ZNF782: variants seen among roughly 807,000 people sequenced by gnomAD.
ZNF782 encodes the protein zinc finger protein 782.
A neutral mutation model predicts 13.0 loss-of-function variants in ZNF782; 12 were observed. That is an observed-to-expected ratio of 0.92 (90% CI 0.59 to 1.50). The LOEUF is 1.50. ZNF782 is among the 40% of genes most tolerant of loss of function. ZNF782 has a pLI of 0.00. For synonymous variants in ZNF782, 284 were observed against 283.0 expected, an observed-to-expected ratio of 1.00 and a Z score of -0.04; for missense variants, 770 against 822.9, an observed-to-expected ratio of 0.94 and a Z score of 0.79.
the ZNF782 span, chr9:96,928,892 T>C: frequency 1.0e-6 from 1 of 984,396 alleles, no homozygotes; most frequent in Non-Finnish European, 1.5e-6. Flanking sequence ...CAAACCTGTT[T>C]ATATGCAAAT....
the ZNF782 span, among the ~76,000 whole-genome samples, chr9:96,911,618 T>G: frequency 6.7e-6 from 1 of 148,696 alleles, no homozygotes; most frequent in African/African-American, 2.4e-5. Context: ...CCTCCCGGGT[T>G]CAAGCCATTA....
chr9:96,843,037 C>G (rs1851233973), intron 4 of ZNF782, among the ~76,000 whole-genome samples: 1 of 152,084 alleles, frequency 6.6e-6, no homozygotes, highest in Non-Finnish European at 1.5e-5. Flanking sequence ...CATAAAATAG[C>G]AACAATGCCT....
At chr9:96,931,740 C>G in the ZNF782 span, 1 of 1,611,554 alleles carries the variant, frequency 6.2e-7, no homozygotes, top group Non-Finnish European at 8.5e-7. Context: ...GTGCTGGGAC[C>G]CGGCGTGACC....
intron 5 of ZNF782, among the ~76,000 whole-genome samples, chr9:96,821,283 G>C (rs1025365612): frequency 1.3e-5 from 2 of 152,126 alleles, no homozygotes; most frequent in African/African-American, 4.8e-5. Flanking sequence ...CTCTAGTCTT[G>C]ACAGGATATC....
At chr9:96,857,866 C>T (rs1564014096), upstream of ZNF782, among the ~76,000 whole-genome samples, 1 of 152,228 alleles carries the variant, frequency 6.6e-6, no homozygotes, top group Non-Finnish European at 1.5e-5. Flanking sequence ...TCATAGTTTT[C>T]ATTGTTCATT....
chr9:96,817,983 C>A lies in ZNF782; in HGVS notation c.2040G>T (p.Gly680=). The change falls in exon 6 of 6, where the codon GGG becomes GGT. Residue 680 remains glycine, a synonymous_variant. Transcript: ENST00000481138. ...GGCTTGATTTTTGACTGAAAGTTCT[C>A]CCACATTTATCACATTTATAGGGTT... is the stretch of plus-strand genomic sequence containing the variant. The part of the protein sequence containing the change: ...GEKPYKCDKC[G]RTFSQKSSLR... The A allele has an allele frequency of 5.6e-6, 9 of 1,607,620 alleles. No homozygotes were observed. Among genetic ancestry groups the A allele is most frequent in the Non-Finnish European group, 7.6e-6 (9 of 1,177,646 alleles).
At chr9:96,820,770 G>C (rs780097630) in intron 5 of ZNF782, among the ~76,000 whole-genome samples, 1 of 151,914 alleles carries the variant, frequency 6.6e-6, no homozygotes, top group African/African-American at 2.4e-5. Flanking sequence ...GGCTGGTCTC[G>C]AACTCCTGAT....
At chr9:96,920,691 C>A in the ZNF782 span, among the ~76,000 whole-genome samples, 1 of 149,390 alleles carries the variant, frequency 6.7e-6, no homozygotes, top group Non-Finnish European at 1.5e-5. Context: ...CCGAGGCAGG[C>A]GGATCCAGGG....
chr9:96,852,425 A>C lies in ZNF782; in HGVS notation c.-44-420T>G, dbSNP rs184387433. ...GAGGCCAAAGAGGGAGGACAGCTTGAGCTCAGGAGTTCAAGACCAACCTGG... is the reference window on the plus strand; with the variant it reads ...GAGGCCAAAGAGGGAGGACAGCTTGCGCTCAGGAGTTCAAGACCAACCTGG... On this transcript the variant is annotated intron_variant, in intron 2 of 5. Transcript: ENST00000481138. Among the ~76,000 whole-genome samples, 377 of 152,316 alleles carry C rather than the reference A, an allele frequency of 2.5e-3. 2 individuals carry two copies. Among genetic ancestry groups the C allele is most frequent in the African/African-American group, 8.1e-3 (336 of 41,570 alleles).
the ZNF782 span, among the ~76,000 whole-genome samples, chr9:96,917,734 A>T: frequency 6.6e-6 from 1 of 150,700 alleles, no homozygotes; most frequent in Non-Finnish European, 1.5e-5. Context: ...CCGACCAGAA[A>T]TTTTTTTTTA....
chr9:96,916,289 G>A, the ZNF782 span, among the ~76,000 whole-genome samples: 2 of 152,032 alleles, frequency 1.3e-5, no homozygotes, highest in South Asian at 2.1e-4. Context: ...CCAGGAGTTC[G>A]AGACCAGTCT....
At chr9:96,918,290 ACTTGGGAAG>A in the ZNF782 span, among the ~76,000 whole-genome samples, 11 of 148,294 alleles carry the variant, frequency 7.4e-5, no homozygotes, top group Non-Finnish European at 1.6e-4. Context: ...AGTCCCAGCT[ACTTGGGAAG>A]CTTGGGAAGC....
chr9:96,822,875 A>G lies in ZNF782; in HGVS notation c.245-3097T>C, dbSNP rs571024748. 3.3e-5 allele frequency among the ~76,000 whole-genome samples: 5 copies of G among 152,300 alleles called. No homozygotes were observed. In the East Asian group the frequency reaches 7.7e-4, roughly 24 times the overall value. ...ATATATATTCCTTATTGAGTTTAAG[A>G]TAGACTTTAATTCTTCTTACATTGT... On this transcript the variant is annotated intron_variant, in intron 5 of 5. Coordinates refer to ENST00000481138, the MANE Select transcript of ZNF782 (RefSeq NM_001001662.3).
At chr9:96,903,556 G>GTTTTTTTT in the ZNF782 span, among the ~76,000 whole-genome samples, 35 of 75,464 alleles carry the variant, frequency 4.6e-4, 1 homozygote, top group African/African-American at 5.8e-4. Flanking sequence ...TTTTATGTTG[G>GTTTTTTTT]TTTTTTTTTT....
At chr9:96,829,749 T>C (rs1850738059) in intron 4 of ZNF782, among the ~76,000 whole-genome samples, 1 of 152,096 alleles carries the variant, frequency 6.6e-6, no homozygotes, top group African/African-American at 2.4e-5. Flanking sequence ...GATTAAAAAA[T>C]CTTGCTCTCC....
chr9:96,885,496 CTA>C, the ZNF782 span, among the ~76,000 whole-genome samples: 2 of 151,956 alleles, frequency 1.3e-5, no homozygotes, highest in African/African-American at 4.8e-5. Flanking sequence ...TGTCAGGGAT[CTA>C]TAAGACAATA....
chr9:96,845,238 A>C (rs1851312081), intron 3 of ZNF782, among the ~76,000 whole-genome samples: 1 of 152,218 alleles, frequency 6.6e-6, no homozygotes, highest in Non-Finnish European at 1.5e-5. Flanking sequence ...ATACACATAC[A>C]TTGTTACTTA....
chr9:96,892,828 G>A, the ZNF782 span: 1 of 151,328 alleles, frequency 6.6e-6, no homozygotes, highest in East Asian at 1.9e-4. Flanking sequence ...TGCACATACA[G>A]GAATGTGCAT....
At chr9:96,873,258 GAA>G (rs1038826792) in intron 1 of ZNF782, among the ~76,000 whole-genome samples, 1 of 152,146 alleles carries the variant, frequency 6.6e-6, no homozygotes, top group Non-Finnish European at 1.5e-5. Context: ...TGATTTAGAA[GAA>G]AAAGTCTATC....
Sources: gnomAD v4.1 joint callset for allele counts (sites outside exome capture counted in the v4.1 genomes callset) on GRCh38, gnomAD v4.1.1 for gene constraint, MANE v1.5 for transcripts, NCBI Gene and HGNC (gene_info 2026-07-23, HGNC 2026-07-21) for gene names.